The following BCAS3 variants were observed in gnomAD, a reference collection of about 807,000 sequenced individuals.
The protein encoded by BCAS3 is BCAS4/BCAS3 fusion.
Under a neutral mutation model 116.1 loss-of-function variants are expected in BCAS3, and 53 were observed. The observed-to-expected ratio is 0.46, with a 90% CI of 0.37 to 0.57. The LOEUF is 0.57. BCAS3 is among the 20% of genes least tolerant of loss of function. The probability of loss-of-function intolerance (pLI) is 0.00; values close to 1 mark genes in which losing one functional copy is unlikely to be tolerated. For missense variants in BCAS3, 917 were observed against 1,165.4 expected (o/e 0.79, Z 3.10); for synonymous variants, 391 against 408.2 (o/e 0.96, Z 0.51).
intron 22 of BCAS3, among the ~76,000 whole-genome samples, chr17:61,169,737 G>C (rs1180005803): frequency 6.6e-6 from 1 of 152,198 alleles, no homozygotes; most frequent in Non-Finnish European, 1.5e-5. Flanking sequence ...ATAATGTATT[G>C]AGGTTGTTTT....
chr17:60,897,379 T>G (rs1350683280), intron 10 of BCAS3, among the ~76,000 whole-genome samples: 1 of 152,208 alleles, frequency 6.6e-6, no homozygotes, highest in East Asian at 1.9e-4. Flanking sequence ...GACTATAATG[T>G]GCCTTAGAGA....
rs2081572543 is a variant in BCAS3 at position 61,213,173 on chromosome 17, T to G, written c.2425+128609T>G. On this transcript the variant is annotated intron_variant, in intron 22 of 23. Transcript: ENST00000407086. This position sits in a 1 kb window ranked among gnomAD's most constrained non-coding sequence, Gnocchi z 5.4. ...TATATTTTTGTTTGTTTGTTTGTTTTTTGTTTTTTGTTTTGAGATTGAGTC... is the reference window on the plus strand; with the variant it reads ...TATATTTTTGTTTGTTTGTTTGTTTGTTGTTTTTTGTTTTGAGATTGAGTC... 1.3e-5 allele frequency among the ~76,000 whole-genome samples: 2 copies of G among 152,094 alleles called. No individual in the cohort carries two copies. Among genetic ancestry groups the G allele is most frequent in the South Asian group, 2.1e-4 (1 of 4,832 alleles).
At chr17:60,851,594 C>CGAG in intron 7 of BCAS3, 1 of 633,710 alleles carries the variant, frequency 1.6e-6, no homozygotes, top group Non-Finnish European at 2.9e-6. Context: ...AAGCTTGAAA[C>CGAG]GAGGAAGTAC....
chr17:61,146,412 C>T (rs745429134), intron 22 of BCAS3, among the ~76,000 whole-genome samples: 3 of 151,852 alleles, frequency 2.0e-5, no homozygotes, highest in Non-Finnish European at 4.4e-5. Context: ...CCACTGTAAG[C>T]GACTATCCAG....
At chr17:60,924,538 T>C in intron 13 of BCAS3, 38 bp downstream of exon 13, 1 of 1,331,978 alleles carries the variant, frequency 7.5e-7, no homozygotes, top group Non-Finnish European at 1.1e-6. Flanking sequence ...TTTTTTTTTG[T>C]AGACCATTTA....
At chr17:60,696,204 T>C (rs2035571601) in intron 4 of BCAS3, 3 of 152,284 alleles carry the variant, frequency 2.0e-5, no homozygotes, top group African/African-American at 7.2e-5. Flanking sequence ...ATTGCTCAGC[T>C]GGTCATGTGC....
At chr17:61,335,857 A>G (rs568829830) in intron 22 of BCAS3, among the ~76,000 whole-genome samples, 1 of 152,366 alleles carries the variant, frequency 6.6e-6, no homozygotes, top group South Asian at 2.1e-4. Flanking sequence ...CTGGCCAAAA[A>G]CGCAAAGCAC....
intron 5 of BCAS3, among the ~76,000 whole-genome samples, chr17:60,736,227 G>T (rs2040942559): frequency 6.6e-6 from 1 of 151,864 alleles, no homozygotes; most frequent in Admixed American, 6.6e-5. Flanking sequence ...ATACTTTGTT[G>T]GGTTTGATTT....
At position 61,083,638 on chromosome 17, in the gene BCAS3, C is replaced by T. The variant is rs2072834039; in HGVS notation, c.2328-829C>T. On this transcript the variant is annotated intron_variant, in intron 21 of 23. Transcript: ENST00000407086. The surrounding 1 kb of genome is among the most constrained non-coding windows in gnomAD (Gnocchi z 4.9). ...TGAGACGGAGTCTTGCTCTGTCACC[C>T]AGGCTGGAGTGCAGTGGCACGATCT... 6.6e-6 allele frequency among the ~76,000 whole-genome samples: 1 copy of T among 150,624 alleles called. No individual in the cohort carries two copies.
At chr17:61,163,290 G>A (rs8068584) in intron 22 of BCAS3, among the ~76,000 whole-genome samples, 3 of 151,788 alleles carry the variant, frequency 2.0e-5, no homozygotes, top group African/African-American at 4.8e-5. Context: ...CGGGCGTGGT[G>A]GTGGGCGCCT....
intron 22 of BCAS3, among the ~76,000 whole-genome samples, chr17:61,150,289 T>A (rs7208945): frequency 0.85 from 128,804 of 152,176 alleles, 58,711 homozygotes; most frequent in East Asian, 1. Flanking sequence ...CCATGGCTGC[T>A]CTGATTTATG....
At chr17:60,763,924 G>A (rs1259909322) in intron 6 of BCAS3, among the ~76,000 whole-genome samples, 1 of 152,110 alleles carries the variant, frequency 6.6e-6, no homozygotes, top group Non-Finnish European at 1.5e-5. Context: ...TTTAGTGTTG[G>A]GAGGGTGTAT....
chr17:60,877,063 C>T (rs2063924908), intron 9 of BCAS3, among the ~76,000 whole-genome samples: 1 of 151,910 alleles, frequency 6.6e-6, no homozygotes, highest in Admixed American at 6.6e-5. Flanking sequence ...AAATGTAGTG[C>T]TTCTCTGTCA....
intron 3 of BCAS3, among the ~76,000 whole-genome samples, chr17:60,687,046 A>G (rs1423836175): frequency 6.6e-6 from 1 of 152,242 alleles, no homozygotes; most frequent in Non-Finnish European, 1.5e-5. Context: ...TATAGTGAGC[A>G]AATAAGACAA....
rs556054785 is a variant in BCAS3 at position 60,878,003 on chromosome 17, C to A, written c.661+3265C>A. On this transcript the variant is annotated intron_variant, in intron 9 of 23. Coordinates refer to ENST00000407086, the MANE Select transcript of BCAS3 (RefSeq NM_017679.5). ...ACTATGTATATAAGCCCAGTAATGT[C>A]TTTTTTTTTCTTTTTTTTTTTTTTG... Among the ~76,000 whole-genome samples, 4 of 134,118 alleles carry A rather than the reference C, an allele frequency of 3.0e-5. No individual in the cohort carries two copies. The East Asian group carries it at 8.1e-4, about 27-fold the overall frequency. The allele number at this position is 134,118 out of a possible 152,430, so 88.0% of individuals were successfully genotyped here. A position where few individuals can be genotyped will look rare whatever the true frequency, so the allele number is the denominator to read the frequency against.
intron 19 of BCAS3, among the ~76,000 whole-genome samples, chr17:61,048,038 G>C (rs913596504): frequency 1.6e-4 from 25 of 152,100 alleles, no homozygotes; most frequent in African/African-American, 5.8e-4. Flanking sequence ...ACAATAGAAA[G>C]GTGACTGGGG....
chr17:61,282,693 T>G lies in BCAS3; in HGVS notation c.2426-85634T>G, dbSNP rs2051346659. Among the ~76,000 whole-genome samples the G allele has an allele frequency of 6.6e-6, 1 of 152,168 alleles. No homozygotes were observed. The highest frequency in any genetic ancestry group is 1.5e-5 in the Non-Finnish European group (1 of 68,026). On this transcript the variant is annotated intron_variant, in intron 22 of 23. Transcript: ENST00000407086. This position sits in a 1 kb window ranked among gnomAD's most constrained non-coding sequence, Gnocchi z 5.9. ...GAAGGAAGCCCATCAACACAGAGGA[T>G]TATGAATCAGACCCTTCCAGAAGTC... is the stretch of plus-strand genomic sequence containing the variant.
chr17:61,031,730 T>C (rs2066655569), intron 16 of BCAS3, among the ~76,000 whole-genome samples: 1 of 152,126 alleles, frequency 6.6e-6, no homozygotes. Context: ...AGCAAGTTAT[T>C]TTCAGGGTGA....
In BCAS3 at chr17:61,300,251, C is replaced by T. The variant is rs966993466; in HGVS notation, c.2426-68076C>T. 2.0e-5 allele frequency among the ~76,000 whole-genome samples: 3 copies of T among 152,158 alleles called. No homozygotes were observed. The highest frequency in any genetic ancestry group is 4.4e-5 in the Non-Finnish European group (3 of 68,040). ...ATACAGTCCCAGTTGGTTTCACTGT[C>T]CCGAGACCCTAAGGATGTTTTCGTA... On this transcript the variant is annotated intron_variant, in intron 22 of 23. Transcript: ENST00000407086. The surrounding 1 kb of genome is among the most constrained non-coding windows in gnomAD (Gnocchi z 5.1).
Sources: gnomAD v4.1 joint callset for allele counts (sites outside exome capture counted in the v4.1 genomes callset) on GRCh38, gnomAD v4.1.1 for gene constraint, Gnocchi (gnomAD v3.1) non-coding constraint, MANE v1.5 for transcripts, NCBI Gene and HGNC (gene_info 2026-07-23, HGNC 2026-07-21) for gene names.